Variants in NFAT5 observed in about 807,000 individuals in gnomAD.
NFAT5 encodes nuclear factor of activated T-cells 5.
In NFAT5, 31 loss-of-function variants were observed where a neutral mutation model predicts 166.5. That is an observed-to-expected ratio of 0.19 (90% CI 0.14 to 0.25). The LOEUF is 0.25. Among genes scored for constraint, NFAT5 ranks in the 10% least tolerant of loss-of-function variants. NFAT5 has a pLI of 1.00. For synonymous variants in NFAT5, 612 were observed against 639.7 expected (o/e 0.96, Z 0.65); for missense variants, 1,449 against 1,821.8 (o/e 0.80, Z 3.72).
Position 69,677,257 on chromosome 16 carries a change from G to A in NFAT5, c.1612G>A (p.Val538Met). The A allele has an allele frequency of 5.0e-6, 8 of 1,612,552 alleles. No individual in the cohort carries two copies. The highest frequency in any genetic ancestry group is 6.8e-6 in the Non-Finnish European group (8 of 1,179,386). ...TCATGACCAACATATAACTTTGCCT[G>A]TGTCAGTGGGAATATATGTAGTGAC... ...PYHDQHITLP[V>M]SVGIYVVTNA... The change falls in exon 10 of 15, where the codon GTG (valine) becomes ATG (methionine). Residue 538 changes from valine to methionine, a missense_variant. By Grantham distance (21) the Val-to-Met change is conservative. Transcript: ENST00000349945.
intron 2 of NFAT5, among the ~76,000 whole-genome samples, chr16:69,622,845 AAG>A (rs1281161311): frequency 2.7e-5 from 4 of 147,844 alleles, no homozygotes; most frequent in South Asian, 2.2e-4. Context: ...AAAAAAAAAA[AAG>A]AAAAAAATAG....
rs1358709285 is a variant in NFAT5, at chr16:69,566,663, TCCGGCCCCGCCAGGCTCCGCGAGCCG to T, written c.73+299_73+324del. 6.6e-6 allele frequency among the ~76,000 whole-genome samples: 1 copy of T among 151,356 alleles called. No homozygotes were observed. Among genetic ancestry groups the T allele is most frequent in the Admixed American group, 6.6e-5 (1 of 15,208 alleles). Reference sequence around the variant, plus strand: ...GTCGCTTCTAGCCGCTCTCAGCCCGTCCGGCCCCGCCAGGCTCCGCGAGCCGCCGGCCCCGGCCTCCCGGGCTCGGG... The same window carrying T: ...GTCGCTTCTAGCCGCTCTCAGCCCGTCCGGCCCCGGCCTCCCGGGCTCGGG... On this transcript the variant is annotated intron_variant, in intron 1 of 14. Transcript: ENST00000349945. The surrounding 1 kb of genome is among the most constrained non-coding windows in gnomAD (Gnocchi z 5.7).
Position 69,692,618 on chromosome 16 carries a change from A to G in NFAT5, c.2793A>G (p.Ser931=), listed in dbSNP as rs2037592859. ...SICQAAAQIQ[S]ELFPSTASAN... ...GCCAGGCAGCTGCCCAGATTCAGTC[A>G]GAGTTATTCCCTTCAACTGCTTCAG... The change falls in exon 13 of 15, where the codon TCA becomes TCG. Residue 931 remains serine (S), a synonymous_variant. Coordinates refer to ENST00000349945, the MANE Select transcript of NFAT5 (RefSeq NM_138713.4). 6.2e-7 allele frequency: 1 copy of G among 1,614,274 alleles called. No individual in the cohort carries two copies.
intron 10 of NFAT5, among the ~76,000 whole-genome samples, chr16:69,681,645 C>T (rs187415522): frequency 5.3e-5 from 8 of 152,222 alleles, no homozygotes; most frequent in African/African-American, 1.9e-4. Flanking sequence ...TGGCCGGGCA[C>T]GGTGGCTCAC....
At chr16:69,665,984 G>A (rs2036358920) in intron 7 of NFAT5, among the ~76,000 whole-genome samples, 2 of 21,484 alleles carry the variant, frequency 9.3e-5, no homozygotes, top group African/African-American at 7.0e-4. Flanking sequence ...ATAGATCAAT[G>A]GAACAGAACA....
rs556225847 is a variant in NFAT5 at position 69,635,751 on chromosome 16, C to T, written c.253+9223C>T. On this transcript the variant is annotated intron_variant, in intron 3 of 14. Coordinates refer to ENST00000349945, the MANE Select transcript of NFAT5 (RefSeq NM_138713.4). Reference sequence around the variant, plus strand: ...CATATTAACTATCACAAGAATAGCACGGGAAAGACCAGCCCCCATGATTCA... The same window carrying T: ...CATATTAACTATCACAAGAATAGCATGGGAAAGACCAGCCCCCATGATTCA... 5.0e-4 allele frequency among the ~76,000 whole-genome samples: 76 copies of T among 152,212 alleles called. 1 individual carries two copies. Among genetic ancestry groups the T allele is most frequent in the Middle Eastern group, 3.4e-3 (1 of 294 alleles).
At chr16:69,625,113 G>A (rs1321008316) in intron 2 of NFAT5, among the ~76,000 whole-genome samples, 1 of 151,914 alleles carries the variant, frequency 6.6e-6, no homozygotes, top group Non-Finnish European at 1.5e-5. Flanking sequence ...TGTTGGCCAG[G>A]CTGGTCTCGA....
intron 2 of NFAT5, among the ~76,000 whole-genome samples, chr16:69,585,954 G>A (rs937397591): frequency 4.6e-5 from 7 of 152,142 alleles, no homozygotes; most frequent in Middle Eastern, 3.2e-3. Context: ...GCACAATGTC[G>A]TGCATAGATT....
At chr16:69,634,105 C>G (rs1197561305) in intron 3 of NFAT5, among the ~76,000 whole-genome samples, 1 of 151,690 alleles carries the variant, frequency 6.6e-6, no homozygotes, top group Non-Finnish European at 1.5e-5. Flanking sequence ...TGGTGAAACC[C>G]CATCTCTACT....
intron 2 of NFAT5, among the ~76,000 whole-genome samples, chr16:69,577,235 G>A (rs2016812160): frequency 6.6e-6 from 1 of 151,990 alleles, no homozygotes; most frequent in Non-Finnish European, 1.5e-5. Flanking sequence ...CTATAAAGGA[G>A]GTTTGCTATT....
chr16:69,627,323 CATATATATATATATATATAT>C (rs10524659), intron 3 of NFAT5, among the ~76,000 whole-genome samples: 189 of 128,848 alleles, frequency 1.5e-3, no homozygotes, highest in Non-Finnish European at 2.3e-3. Flanking sequence ...AAAAAGGAAA[CATATATATATATATATATAT>C]ATATATATAT....
At chr16:69,675,064 A>T (rs1419191086) in intron 9 of NFAT5, among the ~76,000 whole-genome samples, 1 of 152,186 alleles carries the variant, frequency 6.6e-6, no homozygotes, top group Non-Finnish European at 1.5e-5. Context: ...TTTAATTCAG[A>T]TCAGTTGTAG....
chr16:69,603,542 A>C (rs1003870929), intron 2 of NFAT5, among the ~76,000 whole-genome samples: 3 of 152,036 alleles, frequency 2.0e-5, no homozygotes, highest in African/African-American at 7.2e-5. Context: ...ACTTAAACTC[A>C]AGAGTTTGAG....
chr16:69,592,013 T>C (rs575082846), intron 2 of NFAT5, among the ~76,000 whole-genome samples: 1 of 152,230 alleles, frequency 6.6e-6, no homozygotes, highest in South Asian at 2.1e-4. Flanking sequence ...TGATACTTAT[T>C]GGCTCTTTTA....
At chr16:69,636,834 C>G (rs1023144223) in intron 3 of NFAT5, among the ~76,000 whole-genome samples, 1 of 152,112 alleles carries the variant, frequency 6.6e-6, no homozygotes, top group Non-Finnish European at 1.5e-5. Flanking sequence ...CTGACATGGC[C>G]TGGAGACATT....
chr16:69,680,865 T>C lies in NFAT5; in HGVS notation c.1690+3530T>C, dbSNP rs560552529. ...ACCTCCACCTCCCAGGTTCAGGCAA[T>C]TCTCCTGCCACAGCCTCCGAAGTAG... On this transcript the variant is annotated intron_variant, in intron 10 of 14. Transcript: ENST00000349945. Among the ~76,000 whole-genome samples the C allele has an allele frequency of 2.3e-3, 357 of 152,262 alleles. 5 individuals carry two copies. Among genetic ancestry groups the C allele is most frequent in the African/African-American group, 7.9e-3 (330 of 41,556 alleles).
intron 2 of NFAT5, among the ~76,000 whole-genome samples, chr16:69,586,450 T>C (rs1223190946): frequency 1.3e-5 from 2 of 152,214 alleles, no homozygotes; most frequent in Non-Finnish European, 2.9e-5. Context: ...TCACCCAGGC[T>C]GGAATGCAGT....
chr16:69,577,222 C>T (rs1384815754), intron 2 of NFAT5, among the ~76,000 whole-genome samples: 1 of 152,088 alleles, frequency 6.6e-6, no homozygotes, highest in Non-Finnish European at 1.5e-5. Flanking sequence ...TGAAAACAAA[C>T]GTCTATAAAG....
At chr16:69,622,539 T>C (rs1324335511) in intron 2 of NFAT5, among the ~76,000 whole-genome samples, 1 of 152,232 alleles carries the variant, frequency 6.6e-6, no homozygotes, top group African/African-American at 2.4e-5. Flanking sequence ...TCTTTCCATG[T>C]ACTTTTTAGT....
Sources: gnomAD v4.1 joint callset for allele counts (sites outside exome capture counted in the v4.1 genomes callset) on GRCh38, gnomAD v4.1.1 for gene constraint, Gnocchi (gnomAD v3.1) non-coding constraint, MANE v1.5 for transcripts, NCBI Gene and HGNC (gene_info 2026-07-23, HGNC 2026-07-21) for gene names.